The following KIRREL1 variants were observed in gnomAD, a reference collection of about 807,000 sequenced individuals.
The protein encoded by KIRREL1 is kirre like nephrin family adhesion molecule 1.
A neutral mutation model predicts 83.3 loss-of-function variants in KIRREL1; 25 were observed. The ratio of observed to expected loss-of-function variants is 0.30; its 90% confidence interval spans 0.22 to 0.42. The LOEUF is 0.42. KIRREL1 is among the 10% of genes least tolerant of loss of function. The probability of loss-of-function intolerance (pLI) is 1.00; values close to 1 mark genes in which losing one functional copy is unlikely to be tolerated. For synonymous variants in KIRREL1, 388 were observed against 410.4 expected, an observed-to-expected ratio of 0.95 and a Z score of 0.66; for missense variants, 812 against 1,032.3, an observed-to-expected ratio of 0.79 and a Z score of 2.92.
chr1:158,020,600 C>CAAAAAAAAAAA lies in KIRREL1; in HGVS notation c.52+26884_52+26894dup, dbSNP rs370156588. On this transcript the variant is annotated intron_variant, in intron 1 of 14. Coordinates refer to ENST00000359209, the MANE Select transcript of KIRREL1 (RefSeq NM_018240.7). ...GCAGAATGACTGCCATACAGTAAAT[C>CAAAAAAAAAAA]AAAAAAAAAAAAAAAAAAAAAAGCC... Among the ~76,000 whole-genome samples, 62 of 83,624 alleles carry CAAAAAAAAAAA rather than the reference C, an allele frequency of 7.4e-4. 3 individuals carry two copies. The highest frequency in any genetic ancestry group is 0.015 in the Middle Eastern group (1 of 68). 54.9% of individuals were successfully genotyped at this position (83,624 alleles called of 152,430 possible). A position where few individuals can be genotyped will look rare whatever the true frequency, so the allele number is the denominator to read the frequency against.
rs1662294680 is a variant in KIRREL1 at position 158,094,403 on chromosome 1, G to C, written c.1797+13G>C. ...GTATGAGATGAAGGTGGGAAAGGGGGAAGGGGCCAGGGCATGAGGGCTGGT... is the reference window on the plus strand; with the variant it reads ...GTATGAGATGAAGGTGGGAAAGGGGCAAGGGGCCAGGGCATGAGGGCTGGT... On this transcript the variant is annotated intron_variant, in intron 14 of 14. Transcript: ENST00000359209. The surrounding 1 kb of genome is among the most constrained non-coding windows in gnomAD (Gnocchi z 4.6). 4 of 1,611,658 alleles carry C rather than the reference G, an allele frequency of 2.5e-6. No individual in the cohort carries two copies. The highest frequency in any genetic ancestry group is 2.5e-6 in the Non-Finnish European group (3 of 1,178,818).
chr1:158,073,970 G>T (rs1207098779), intron 1 of KIRREL1, among the ~76,000 whole-genome samples: 2 of 152,216 alleles, frequency 1.3e-5, no homozygotes, highest in Non-Finnish European at 2.9e-5. Context: ...TTAAGCCCTT[G>T]ACTTGGGCTC....
chr1:158,005,368 C>T (rs555875886), intron 1 of KIRREL1, among the ~76,000 whole-genome samples: 2 of 151,972 alleles, frequency 1.3e-5, no homozygotes, highest in South Asian at 2.1e-4. Flanking sequence ...CTTGCCAGCA[C>T]GCCCATCCTT....
intron 1 of KIRREL1, among the ~76,000 whole-genome samples, chr1:158,026,838 A>C (rs1320914209): frequency 6.6e-6 from 1 of 152,144 alleles, no homozygotes; most frequent in East Asian, 1.9e-4. Flanking sequence ...GAATGAAAAA[A>C]AGCAAACTGT....
chr1:158,056,798 G>A (rs536801684), intron 1 of KIRREL1, among the ~76,000 whole-genome samples: 17 of 152,190 alleles, frequency 1.1e-4, no homozygotes, highest in Non-Finnish European at 2.4e-4. Context: ...GGTGCTGGCA[G>A]CCTGGGCTTG....
chr1:158,079,767 ACAACCTCTGGG>A (rs1259128006), intron 3 of KIRREL1, among the ~76,000 whole-genome samples: 1 of 152,360 alleles, frequency 6.6e-6, no homozygotes, highest in African/African-American at 2.4e-5. Context: ...TAAAGAGGTG[ACAACCTCTGGG>A]CATGAGTTTT....
In KIRREL1 at chr1:158,078,155, A is replaced by C. The variant is rs1570984760; in HGVS notation, c.352+15A>C. 2 of 1,606,654 alleles carry C rather than the reference A, an allele frequency of 1.2e-6. No homozygotes were observed. The highest frequency in any genetic ancestry group is 1.7e-6 in the Non-Finnish European group (2 of 1,175,166). ...CACCGTGCTCAGTAAGGACCCCAAT[A>C]CCCTTCAGTACTTCGAGGCCCTGTC... On this transcript the variant is annotated intron_variant, in intron 3 of 14. Transcript: ENST00000359209.
At chr1:158,007,432 C>T (rs1218937453) in intron 1 of KIRREL1, among the ~76,000 whole-genome samples, 1 of 151,986 alleles carries the variant, frequency 6.6e-6, no homozygotes, top group African/African-American at 2.4e-5. Context: ...GGAAGGAGGT[C>T]GCCCAGTGAG....
At chr1:158,046,673 A>T (rs1044516145) in intron 1 of KIRREL1, among the ~76,000 whole-genome samples, 2 of 152,074 alleles carry the variant, frequency 1.3e-5, no homozygotes, top group Non-Finnish European at 2.9e-5. Flanking sequence ...GTCCTGCAAG[A>T]CCAGGTGGGG....
intron 1 of KIRREL1, among the ~76,000 whole-genome samples, chr1:158,037,987 C>G (rs886340760): frequency 1.3e-5 from 2 of 152,226 alleles, no homozygotes; most frequent in Non-Finnish European, 2.9e-5. Flanking sequence ...CCAGTGTCAG[C>G]TAGACTCGGG....
intron 1 of KIRREL1, among the ~76,000 whole-genome samples, chr1:158,026,992 G>A (rs771557852): frequency 3.3e-5 from 5 of 152,110 alleles, no homozygotes; most frequent in Non-Finnish European, 5.9e-5. Context: ...ACTTGGGCTG[G>A]GTGTCCTTCA....
intron 1 of KIRREL1, among the ~76,000 whole-genome samples, chr1:158,063,894 T>C (rs2101608788): frequency 6.6e-6 from 1 of 152,332 alleles, no homozygotes; most frequent in African/African-American, 2.4e-5. Context: ...CTTGGGTATG[T>C]CTACCAGACT....
At position 158,001,040 on chromosome 1, in the gene KIRREL1, C is replaced by T. The variant is rs79536160; in HGVS notation, c.52+7312C>T. Among the ~76,000 whole-genome samples, 502 of 152,298 alleles carry T rather than the reference C, an allele frequency of 3.3e-3. 4 individuals carry two copies. Among genetic ancestry groups the T allele is most frequent in the African/African-American group, 0.011 (466 of 41,560 alleles). The stretch of plus-strand genomic sequence containing the variant: ...AGGAACCCGAGTGTCTGGAGGTGTA[C>T]TCTGTGCCCAGCAGGTTTATCCCAG... On this transcript the variant is annotated intron_variant, in intron 1 of 14. Coordinates refer to ENST00000359209, the MANE Select transcript of KIRREL1 (RefSeq NM_018240.7).
chr1:158,031,090 C>T (rs1328146577), intron 1 of KIRREL1: 1 of 152,122 alleles, frequency 6.6e-6, no homozygotes, highest in East Asian at 1.9e-4. Flanking sequence ...GTTTTATTCC[C>T]CCCAACAAAA....
At chr1:158,081,769 G>C (rs1224704747) in intron 3 of KIRREL1, among the ~76,000 whole-genome samples, 1 of 152,200 alleles carries the variant, frequency 6.6e-6, no homozygotes. Context: ...AGAGAGTTTG[G>C]AAAATTCAGA....
At chr1:158,086,843 C>A (rs1488119824) in intron 5 of KIRREL1, 97 bp downstream of exon 5, 3 of 1,153,416 alleles carry the variant, frequency 2.6e-6, no homozygotes, top group African/African-American at 1.5e-5. Flanking sequence ...AACTAAGAGT[C>A]CCCCTATGGT....
At chr1:158,044,786 C>G (rs1331380134) in intron 1 of KIRREL1, among the ~76,000 whole-genome samples, 2 of 152,102 alleles carry the variant, frequency 1.3e-5, no homozygotes, top group African/African-American at 4.8e-5. Flanking sequence ...GCTGAGGATA[C>G]AGCAATTAAC....
chr1:158,066,120 AG>A (rs1385302574), intron 1 of KIRREL1, among the ~76,000 whole-genome samples: 2 of 151,656 alleles, frequency 1.3e-5, no homozygotes, highest in Admixed American at 6.6e-5. Context: ...CCCTGCCTCT[AG>A]AGAGGGGCCC....
Position 158,093,354 on chromosome 1 carries a change from G to A in KIRREL1, c.1487G>A (p.Gly496Asp). 3 of 1,614,088 alleles carry A rather than the reference G, an allele frequency of 1.9e-6. No individual in the cohort carries two copies. Among genetic ancestry groups the A allele is most frequent in the Non-Finnish European group, 2.5e-6 (3 of 1,179,912 alleles). ...CCATCGAAAGAGGTGTTACCTGTGG[G>A]CATCATAGCTGGGGCCACCATCGGC... ...QLEEREVLPV[G>D]IIAGATIGAS... The change falls in exon 12 of 15, where the codon GGC becomes GAC. Residue 496 changes from glycine to aspartate, a missense_variant. Gly to Asp is a moderately conservative substitution (Grantham distance 94, BLOSUM62 -1). Coordinates refer to ENST00000359209, the MANE Select transcript of KIRREL1 (RefSeq NM_018240.7).
Sources: allele counts gnomAD v4.1 joint callset (sites outside exome capture counted in the v4.1 genomes callset), GRCh38; gene constraint gnomAD v4.1.1; non-coding constraint Gnocchi (gnomAD v3.1); transcripts MANE v1.5; gene names NCBI Gene and HGNC (gene_info 2026-07-23, HGNC 2026-07-21).